TNFAIP8: variants seen among roughly 807,000 people sequenced by gnomAD.
TNFAIP8 encodes tumor necrosis factor alpha-induced protein 8.
Under a neutral mutation model 13.3 loss-of-function variants are expected in TNFAIP8, and 7 were observed. That is an observed-to-expected ratio of 0.52 (90% confidence interval 0.30 to 0.99). The LOEUF (loss-of-function observed/expected upper bound fraction) is 0.99. Ranked by LOEUF, TNFAIP8 falls within the 50% of genes least tolerant of loss-of-function variation. The probability of loss-of-function intolerance (pLI) is 0.07; values close to 1 mark genes in which losing one functional copy is unlikely to be tolerated. For synonymous variants in TNFAIP8, 94 were observed against 87.6 expected (o/e 1.07, Z -0.41); for missense variants, 258 against 236.9 (o/e 1.09, Z -0.58).
At chr5:119,336,918 T>G (rs1581615880) in intron 1 of TNFAIP8, among the ~76,000 whole-genome samples, 2 of 152,258 alleles carry the variant, frequency 1.3e-5, no homozygotes, top group South Asian at 4.1e-4. Flanking sequence ...CTTCTTGTTT[T>G]ACTTTGAAAA....
At chr5:119,359,496 G>T (rs1369619731) in intron 1 of TNFAIP8, among the ~76,000 whole-genome samples, 2 of 151,712 alleles carry the variant, frequency 1.3e-5, no homozygotes, top group Non-Finnish European at 2.9e-5. Flanking sequence ...AGAGTAAAAG[G>T]TGCTCATTAA....
intron 1 of TNFAIP8, among the ~76,000 whole-genome samples, chr5:119,392,493 C>T (rs1031011586): frequency 3.3e-5 from 5 of 152,154 alleles, no homozygotes; most frequent in South Asian, 2.1e-4. Flanking sequence ...TGGGTTCAAG[C>T]GATTCTTCTG....
intron 1 of TNFAIP8, among the ~76,000 whole-genome samples, chr5:119,283,413 C>G (rs1054522055): frequency 6.6e-6 from 1 of 152,062 alleles, no homozygotes; most frequent in Non-Finnish European, 1.5e-5. Flanking sequence ...TGGAAGGATC[C>G]CTTGAGCCCA....
At chr5:119,359,685 T>G (rs1312814590) in intron 1 of TNFAIP8, among the ~76,000 whole-genome samples, 1 of 152,244 alleles carries the variant, frequency 6.6e-6, no homozygotes, top group Non-Finnish European at 1.5e-5. Context: ...GTGTGGCAGC[T>G]TATATAATAT....
At chr5:119,299,956 G>C (rs1250474679) in intron 1 of TNFAIP8, among the ~76,000 whole-genome samples, 1 of 152,320 alleles carries the variant, frequency 6.6e-6, no homozygotes, top group East Asian at 1.9e-4. Context: ...TTTTAGGCCC[G>C]TCGGAAAAGC....
At chr5:119,286,627 A>T (rs1008223703) in intron 1 of TNFAIP8, among the ~76,000 whole-genome samples, 2 of 151,970 alleles carry the variant, frequency 1.3e-5, no homozygotes, top group Non-Finnish European at 2.9e-5. Flanking sequence ...CTCTCAAAAA[A>T]AAAAAAAAAA....
At position 119,286,546 on chromosome 5, in the gene TNFAIP8, C is replaced by T. The variant is rs547951525; in HGVS notation, c.1+17639C>T. Among the ~76,000 whole-genome samples, 26 of 151,646 alleles carry T rather than the reference C, an allele frequency of 1.7e-4. No individual in the cohort carries two copies. The East Asian group carries it at 3.3e-3, about 19-fold the overall frequency. Reference sequence around the variant, plus strand: ...CTGAGGCAGGAGAATGGCGAGAACCCGGGAGGCAGAGCTTGCAGAGAGCCA... The same window carrying T: ...CTGAGGCAGGAGAATGGCGAGAACCTGGGAGGCAGAGCTTGCAGAGAGCCA... On this transcript the variant is annotated intron_variant, in intron 1 of 1. Transcript: ENST00000274456.
At chr5:119,313,951 G>C (rs968183420) in intron 1 of TNFAIP8, among the ~76,000 whole-genome samples, 2 of 152,124 alleles carry the variant, frequency 1.3e-5, no homozygotes, top group Non-Finnish European at 2.9e-5. Flanking sequence ...GAGGTTAAAG[G>C]GACAAACAAA....
In TNFAIP8 at chr5:119,399,016, G is replaced by A. The variant is rs889028573; in HGVS notation, c.*5635G>A. On this transcript the variant is annotated 3_prime_UTR_variant, in exon 2 of 2. Transcript: ENST00000504771. ...CTATAAGACATTTAATCTCCTGGAA[G>A]AGGACTTGCTGATAATTGGATCAAA... The A allele has an allele frequency of 6.6e-6, 1 of 152,250 alleles. No homozygotes were observed. The highest frequency in any genetic ancestry group is 2.4e-5 in the African/African-American group (1 of 41,472). 9.4% of individuals were successfully genotyped at this position (152,250 alleles called of 1,614,324 possible).
At chr5:119,351,701 T>C (rs561336608), upstream of TNFAIP8, among the ~76,000 whole-genome samples, 54 of 152,340 alleles carry the variant, frequency 3.5e-4, 1 homozygote, top group Admixed American at 9.1e-4. Context: ...AGTGTATAAA[T>C]GACTCCACTG....
At chr5:119,376,629 A>G (rs1752293761) in intron 1 of TNFAIP8, among the ~76,000 whole-genome samples, 1 of 145,050 alleles carries the variant, frequency 6.9e-6, no homozygotes, top group African/African-American at 2.7e-5. Context: ...GATACATATT[A>G]AAGATTAATT....
intron 1 of TNFAIP8, among the ~76,000 whole-genome samples, chr5:119,336,363 A>G (rs17145194): frequency 0.1 from 15,937 of 152,176 alleles, 1,048 homozygotes; most frequent in African/African-American, 0.2. Context: ...ACATAACCAC[A>G]TGCAGCTGTA....
At chr5:119,382,647 A>G (rs926271775) in intron 1 of TNFAIP8, among the ~76,000 whole-genome samples, 9 of 152,316 alleles carry the variant, frequency 5.9e-5, no homozygotes, top group Middle Eastern at 6.8e-3. Flanking sequence ...GATTACTTTC[A>G]TTTAATCCTC....
intron 1 of TNFAIP8, among the ~76,000 whole-genome samples, chr5:119,316,025 A>G (rs2112679895): frequency 6.6e-6 from 1 of 152,238 alleles, no homozygotes; most frequent in South Asian, 2.1e-4. Context: ...TATTTTCTAA[A>G]TCTCCAAAAC....
At chr5:119,282,594 A>G (rs899192252) in intron 1 of TNFAIP8, among the ~76,000 whole-genome samples, 1 of 152,214 alleles carries the variant, frequency 6.6e-6, no homozygotes, top group Non-Finnish European at 1.5e-5. Flanking sequence ...GTCTGACTCC[A>G]CAGTAAGGCC....
At chr5:119,300,892 C>G (rs578141413) in intron 1 of TNFAIP8, among the ~76,000 whole-genome samples, 3 of 152,234 alleles carry the variant, frequency 2.0e-5, no homozygotes, top group African/African-American at 7.2e-5. Flanking sequence ...TGATATTTTC[C>G]TAGAGGGAAG....
At chr5:119,374,110 T>A (rs1752190339) in intron 1 of TNFAIP8, among the ~76,000 whole-genome samples, 1 of 152,184 alleles carries the variant, frequency 6.6e-6, no homozygotes, top group African/African-American at 2.4e-5. Context: ...ACAAATACAT[T>A]AAGTAACCAT....
At chr5:119,312,745 C>CAA (rs869226026) in intron 1 of TNFAIP8, among the ~76,000 whole-genome samples, 652 of 43,330 alleles carry the variant, frequency 0.015, 4 homozygotes, top group East Asian at 0.082. Context: ...GCAAAAAATA[C>CAA]AAAAAAAAAA....
chr5:119,372,707 C>T (rs564363864), intron 1 of TNFAIP8, among the ~76,000 whole-genome samples: 7 of 152,254 alleles, frequency 4.6e-5, no homozygotes, highest in African/African-American at 1.4e-4. Context: ...TGCCTGTAAT[C>T]CCAGCACTTT....
Sources: gnomAD v4.1 joint callset for allele counts (sites outside exome capture counted in the v4.1 genomes callset) on GRCh38, gnomAD v4.1.1 for gene constraint, MANE v1.5 for transcripts, NCBI Gene and HGNC (gene_info 2026-07-23, HGNC 2026-07-21) for gene names.